CNTNAP2: variants seen among roughly 807,000 people sequenced by gnomAD.
CNTNAP2 encodes contactin associated protein 2, also known as contactin-associated protein-like 2.
A neutral mutation model predicts 155.2 loss-of-function variants in CNTNAP2; 98 were observed. The ratio of observed to expected loss-of-function variants is 0.63; its 90% CI spans 0.54 to 0.75. CNTNAP2 has a LOEUF of 0.75. Ranked by LOEUF, CNTNAP2 falls within the 30% of genes least tolerant of loss-of-function variation. The pLI, the probability that CNTNAP2 is intolerant of heterozygous loss-of-function variation, is 0.00. For synonymous variants in CNTNAP2, 651 were observed against 631.2 expected, an observed-to-expected ratio of 1.03 and a Z score of -0.47; for missense variants, 1,727 against 1,688.1, an observed-to-expected ratio of 1.02 and a Z score of -0.40.
chr7:146,900,289 C>T (rs1370796635), intron 3 of CNTNAP2, among the ~76,000 whole-genome samples: 2 of 152,116 alleles, frequency 1.3e-5, no homozygotes, highest in Non-Finnish European at 2.9e-5. Context: ...AAATGTAATA[C>T]ATTATTCATT....
intron 8 of CNTNAP2, among the ~76,000 whole-genome samples, chr7:147,289,576 A>T (rs1052076819): frequency 4.6e-5 from 7 of 152,198 alleles, no homozygotes; most frequent in Non-Finnish European, 8.8e-5. Context: ...ATTCCTACTA[A>T]AGTTACCTGG....
At chr7:147,779,767 T>G (rs1457244099) in intron 13 of CNTNAP2, among the ~76,000 whole-genome samples, 1 of 152,210 alleles carries the variant, frequency 6.6e-6, no homozygotes, top group Non-Finnish European at 1.5e-5. Context: ...GCCTTAAAAC[T>G]TGCTATCTCC....
chr7:146,191,777 A>G (rs1798709619), intron 1 of CNTNAP2, among the ~76,000 whole-genome samples: 1 of 152,218 alleles, frequency 6.6e-6, no homozygotes, highest in Non-Finnish European at 1.5e-5. Flanking sequence ...GCTCTCAGGC[A>G]GTCAGACCTA....
At chr7:146,835,440 A>T (rs984855709) in intron 2 of CNTNAP2, among the ~76,000 whole-genome samples, 2 of 152,172 alleles carry the variant, frequency 1.3e-5, no homozygotes, top group Non-Finnish European at 2.9e-5. Flanking sequence ...TGTATATCTA[A>T]CAGGTAAGAA....
intron 1 of CNTNAP2, among the ~76,000 whole-genome samples, chr7:146,604,770 TG>T (rs1429624423): frequency 7.0e-6 from 1 of 142,892 alleles, no homozygotes; most frequent in Non-Finnish European, 1.5e-5. Flanking sequence ...TCATGTCCTT[TG>T]TAGGGACATG....
At chr7:146,348,828 GTTATATA>G (rs1794868980) in intron 1 of CNTNAP2, among the ~76,000 whole-genome samples, 1 of 147,976 alleles carries the variant, frequency 6.8e-6, no homozygotes, top group African/African-American at 2.5e-5. Context: ...TATAATATAT[GTTATATA>G]TTATATATAA....
At chr7:147,243,496 C>T (rs905866916) in intron 8 of CNTNAP2, among the ~76,000 whole-genome samples, 3 of 152,066 alleles carry the variant, frequency 2.0e-5, no homozygotes, top group African/African-American at 4.8e-5. Context: ...TATTCATGAG[C>T]ACAGGTTTTA....
intron 8 of CNTNAP2, among the ~76,000 whole-genome samples, chr7:147,231,459 A>G (rs1803679849): frequency 6.6e-6 from 1 of 152,132 alleles, no homozygotes; most frequent in Non-Finnish European, 1.5e-5. Context: ...CAGAAGTGGG[A>G]TTGCCAGATC....
intron 9 of CNTNAP2, among the ~76,000 whole-genome samples, chr7:147,355,269 A>G (rs1481331485): frequency 1.3e-5 from 2 of 152,134 alleles, no homozygotes; most frequent in Non-Finnish European, 2.9e-5. Flanking sequence ...ATGTACCAGA[A>G]TCTCTGGGAC....
intron 1 of CNTNAP2, among the ~76,000 whole-genome samples, chr7:146,177,612 C>T (rs920924334): frequency 2.0e-5 from 3 of 152,086 alleles, no homozygotes; most frequent in African/African-American, 4.8e-5. Context: ...TAGTTCGTAC[C>T]GGATTTCTCT....
intron 1 of CNTNAP2, among the ~76,000 whole-genome samples, chr7:146,443,611 G>A (rs145853545): frequency 1.8e-3 from 272 of 152,230 alleles, no homozygotes; most frequent in African/African-American, 6.4e-3. Flanking sequence ...CCACAGTGTC[G>A]TCATTTTGTA....
Position 148,417,801 on chromosome 7 carries a change from T to G in CNTNAP2, c.*2185T>G, listed in dbSNP as rs1800028384. 6.6e-6 allele frequency: 1 copy of G among 152,250 alleles called. No homozygotes were observed. Among genetic ancestry groups the G allele is most frequent in the Non-Finnish European group, 1.5e-5 (1 of 68,044 alleles). 9.4% of individuals were successfully genotyped at this position (152,250 alleles called of 1,614,324 possible). A position where few individuals can be genotyped will look rare whatever the true frequency, so the allele number is the denominator to read the frequency against. ...ATAGCTCTGTTCTTTATGCATTGTCTCAACACTTTCCCTTTTTTCCCAAAA... is the reference window on the plus strand; with the variant it reads ...ATAGCTCTGTTCTTTATGCATTGTCGCAACACTTTCCCTTTTTTCCCAAAA... On this transcript the variant is annotated 3_prime_UTR_variant, in exon 24 of 24. Transcript: ENST00000361727.
intron 13 of CNTNAP2, among the ~76,000 whole-genome samples, chr7:147,850,792 A>C (rs1798922490): frequency 6.6e-6 from 1 of 152,172 alleles, no homozygotes; most frequent in Non-Finnish European, 1.5e-5. Context: ...TAAAGACTTA[A>C]ATGTTAGACC....
At chr7:147,077,823 C>T (rs1323194849) in intron 4 of CNTNAP2, among the ~76,000 whole-genome samples, 2 of 152,088 alleles carry the variant, frequency 1.3e-5, no homozygotes, top group African/African-American at 4.8e-5. Context: ...TGTAAAGGTT[C>T]TGGAACATAT....
At chr7:148,369,156 AT>A (rs35057926) in intron 21 of CNTNAP2, among the ~76,000 whole-genome samples, 51,879 of 111,630 alleles carry the variant, frequency 0.46, 10,843 homozygotes, top group East Asian at 0.7. Flanking sequence ...ATATTTTTAT[AT>A]TTTTTTTAAT....
intron 1 of CNTNAP2, among the ~76,000 whole-genome samples, chr7:146,718,603 C>G (rs1201322928): frequency 1.3e-5 from 2 of 152,056 alleles, no homozygotes; most frequent in African/African-American, 4.8e-5. Context: ...AACTTAGGAG[C>G]AATAAATAAT....
intron 10 of CNTNAP2, 32 bp from the exon 11 acceptor site, chr7:147,485,903 G>T: frequency 6.2e-7 from 1 of 1,604,128 alleles, no homozygotes; most frequent in South Asian, 1.1e-5. Context: ...TTTGTTTGTT[G>T]GTTTATTTCT....
At chr7:147,790,572 A>T (rs1423271638) in intron 13 of CNTNAP2, among the ~76,000 whole-genome samples, 1 of 152,180 alleles carries the variant, frequency 6.6e-6, no homozygotes, top group Admixed American at 6.5e-5. Context: ...TATTATTTCC[A>T]TGTTGTTATA....
chr7:146,453,036 G>C (rs889807818), intron 1 of CNTNAP2, among the ~76,000 whole-genome samples: 1 of 152,206 alleles, frequency 6.6e-6, no homozygotes, highest in African/African-American at 2.4e-5. Flanking sequence ...GAGGTTGTCT[G>C]TTGTCTCTCT....
Sources: gnomAD v4.1 joint callset for allele counts (sites outside exome capture counted in the v4.1 genomes callset) on GRCh38, gnomAD v4.1.1 for gene constraint, MANE v1.5 for transcripts, NCBI Gene and HGNC (gene_info 2026-07-23, HGNC 2026-07-21) for gene names.